Variants in OR2L13 observed in about 807,000 individuals in gnomAD.
OR2L13 encodes olfactory receptor family 2 subfamily L member 13, also known as olfactory receptor 2L13.
Under a neutral mutation model 15.3 loss-of-function variants are expected in OR2L13, and 14 were observed. The observed-to-expected ratio is 0.91, with a 90% confidence interval of 0.60 to 1.43. The LOEUF is 1.43. Ranked by LOEUF, OR2L13 falls within the 40% of genes most tolerant of loss-of-function variation. The probability of loss-of-function intolerance (pLI) is 0.00; values close to 1 mark genes in which losing one functional copy is unlikely to be tolerated. For missense variants in OR2L13, 367 were observed against 387.9 expected (o/e 0.95, Z 0.45); for synonymous variants, 152 against 142.9 (o/e 1.06, Z -0.45).
chr1:247,975,345 T>G, the OR2L13 span: 1 of 553,796 alleles, frequency 1.8e-6, no homozygotes, highest in Non-Finnish European at 3.5e-6. Flanking sequence ...TTCTCATGTT[T>G]ACCTTTATTG....
chr1:247,954,570 A>C, the OR2L13 span, among the ~76,000 whole-genome samples: 1 of 151,890 alleles, frequency 6.6e-6, no homozygotes, highest in Non-Finnish European at 1.5e-5. Context: ...TAAAAATCTG[A>C]TTGTATCAAT....
chr1:248,042,322 A>T, the OR2L13 span: 1 of 126,448 alleles, frequency 7.9e-6, no homozygotes, highest in East Asian at 2.6e-4. Flanking sequence ...ACATGGACAC[A>T]GGAAGGGGAA....
chr1:247,982,627 T>C, the OR2L13 span, among the ~76,000 whole-genome samples: 1 of 152,218 alleles, frequency 6.6e-6, no homozygotes, highest in Non-Finnish European at 1.5e-5. Context: ...AAGTGAATTC[T>C]TCCAGTAGGG....
the OR2L13 span, chr1:247,974,971 TC>T: frequency 3.3e-6 from 1 of 303,482 alleles, no homozygotes; most frequent in South Asian, 4.3e-5. Context: ...TCCACTATTG[TC>T]CCCAGATGTT....
At chr1:248,057,926 T>G in the OR2L13 span, among the ~76,000 whole-genome samples, 3 of 152,190 alleles carry the variant, frequency 2.0e-5, no homozygotes, top group Non-Finnish European at 4.4e-5. Context: ...AGAAATAATT[T>G]TAGTTCTTTC....
chr1:247,963,535 G>A, the OR2L13 span, among the ~76,000 whole-genome samples: 1 of 152,042 alleles, frequency 6.6e-6, no homozygotes, highest in Non-Finnish European at 1.5e-5. Flanking sequence ...ATATTCAAGG[G>A]CATTTTGAAA....
upstream of OR2L13, chr1:248,095,381 G>A (rs969031817): frequency 6.6e-6 from 1 of 152,014 alleles, no homozygotes; most frequent in African/African-American, 2.4e-5. Context: ...GAGCTGTAAG[G>A]AATGAATATT....
chr1:247,983,858 T>C, the OR2L13 span, among the ~76,000 whole-genome samples: 1,032 of 152,294 alleles, frequency 6.8e-3, 5 homozygotes, highest in African/African-American at 0.023. Flanking sequence ...GCAGGACAGG[T>C]GTCTGCCTTA....
At chr1:248,065,337 A>T in the OR2L13 span, among the ~76,000 whole-genome samples, 152,317 of 152,320 alleles carry the variant, frequency 1, 76,157 homozygotes, top group Non-Finnish European at 1. Flanking sequence ...AAATTTCTTA[A>T]GTATTAAATT....
At chr1:248,097,485 C>G (rs1360494603) in intron 1 of OR2L13, 3 of 152,190 alleles carry the variant, frequency 2.0e-5, no homozygotes, top group Admixed American at 6.5e-5. Context: ...CCTAAAATCT[C>G]CAAGTCCCAG....
At chr1:248,022,324 G>T in the OR2L13 span, 1 of 1,614,094 alleles carries the variant, frequency 6.2e-7, no homozygotes. Context: ...GTGGCCATTT[G>T]CTTTCCTCTC....
At chr1:248,029,671 G>C in the OR2L13 span, among the ~76,000 whole-genome samples, 9 of 152,108 alleles carry the variant, frequency 5.9e-5, no homozygotes, top group African/African-American at 2.2e-4. Context: ...AATTAACCTC[G>C]TTCTATTTTA....
chr1:247,994,261 G>A, the OR2L13 span, among the ~76,000 whole-genome samples: 2 of 152,184 alleles, frequency 1.3e-5, no homozygotes, highest in African/African-American at 2.4e-5. Context: ...GCCGGGCGTG[G>A]TGGCGGGCGC....
At chr1:248,059,707 CA>C in the OR2L13 span, among the ~76,000 whole-genome samples, 1 of 152,128 alleles carries the variant, frequency 6.6e-6, no homozygotes, top group Non-Finnish European at 1.5e-5. Context: ...TCAAGTTTCT[CA>C]AAATAGCAGA....
the OR2L13 span, among the ~76,000 whole-genome samples, chr1:247,957,576 C>CT: frequency 2.0e-5 from 3 of 151,760 alleles, no homozygotes; most frequent in African/African-American, 7.3e-5. Context: ...TGGTCCTGGA[C>CT]TTTTTTTGGT....
At chr1:248,094,310 A>G (rs962316975), upstream of OR2L13, among the ~76,000 whole-genome samples, 1 of 152,156 alleles carries the variant, frequency 6.6e-6, no homozygotes, top group African/African-American at 2.4e-5. Context: ...TAGTGCCTTC[A>G]AAGATAAAAA....
chr1:248,036,340 T>G, the OR2L13 span, among the ~76,000 whole-genome samples: 1 of 152,228 alleles, frequency 6.6e-6, no homozygotes, highest in Non-Finnish European at 1.5e-5. Context: ...CAAAGAGTCA[T>G]TTATTGTTAC....
the OR2L13 span, among the ~76,000 whole-genome samples, chr1:247,993,760 G>GGAGA: frequency 1.9e-5 from 1 of 53,710 alleles, no homozygotes; most frequent in East Asian, 4.6e-4. Context: ...ACAGAGAGAG[G>GGAGA]GGGAGAGAGA....
At chr1:247,948,500 A>G in the OR2L13 span, among the ~76,000 whole-genome samples, 1 of 152,206 alleles carries the variant, frequency 6.6e-6, no homozygotes, top group Non-Finnish European at 1.5e-5. Context: ...ACTCTGGGTA[A>G]GAAAATAAGA....
Sources: gnomAD v4.1 joint callset for allele counts (sites outside exome capture counted in the v4.1 genomes callset) on GRCh38, gnomAD v4.1.1 for gene constraint, MANE v1.5 for transcripts, NCBI Gene and HGNC (gene_info 2026-07-23, HGNC 2026-07-21) for gene names.